Variants in UNC13A observed in about 807,000 individuals in gnomAD.
UNC13A encodes protein unc-13 homolog A.
In UNC13A, 61 loss-of-function variants were observed where a neutral mutation model predicts 219.7. The ratio of observed to expected loss-of-function variants is 0.28; its 90% CI spans 0.23 to 0.34. The LOEUF (loss-of-function observed/expected upper bound fraction) is 0.34, where lower values mean the gene tolerates loss of function less well. Among genes scored for constraint, UNC13A ranks in the 10% least tolerant of loss-of-function variants. The pLI is 1.00. For synonymous variants in UNC13A, 920 were observed against 884.6 expected (o/e 1.04, Z -0.71); for missense variants, 1,476 against 2,270.3 (o/e 0.65, Z 7.11).
At chr19:17,630,441 G>T (rs1224100250) in intron 29 of UNC13A, among the ~76,000 whole-genome samples, 153 bp from the exon 30 acceptor site, 2 of 152,194 alleles carry the variant, frequency 1.3e-5, no homozygotes. Flanking sequence ...CAACTCTAGA[G>T]GTGGACGCAG....
At chr19:17,633,367 C>T (rs1362981411) in intron 26 of UNC13A, among the ~76,000 whole-genome samples, 174 bp from the exon 27 acceptor site, 1 of 152,118 alleles carries the variant, frequency 6.6e-6, no homozygotes, top group Non-Finnish European at 1.5e-5. Flanking sequence ...TCCCTTTGAG[C>T]CTCCACCCAC....
chr19:17,610,178 G>T, intron 42 of UNC13A, 79 bp from the exon 43 acceptor site: 1 of 1,590,832 alleles, frequency 6.3e-7, no homozygotes. Flanking sequence ...CTCAAAACCT[G>T]CCCAAGGCTG....
chr19:17,630,599 C>G, intron 29 of UNC13A, 55 bp downstream of exon 29: 1 of 1,591,110 alleles, frequency 6.3e-7, no homozygotes, highest in Non-Finnish European at 8.6e-7. Flanking sequence ...AAATTTCCAC[C>G]TAAATTGACC....
intron 1 of UNC13A, among the ~76,000 whole-genome samples, chr19:17,677,927 C>T (rs1293473041): frequency 3.3e-5 from 5 of 152,144 alleles, no homozygotes; most frequent in Non-Finnish European, 7.3e-5. Flanking sequence ...CAAATGGTAG[C>T]ATTCGACACC....
At chr19:17,679,922 C>T (rs1358751024) in intron 1 of UNC13A, among the ~76,000 whole-genome samples, 1 of 152,068 alleles carries the variant, frequency 6.6e-6, no homozygotes, top group Non-Finnish European at 1.5e-5. Context: ...AGTGGGGGAC[C>T]GGCTGGAGGG....
chr19:17,687,219 T>C (rs974269818), intron 1 of UNC13A, among the ~76,000 whole-genome samples: 1 of 151,858 alleles, frequency 6.6e-6, no homozygotes, highest in African/African-American at 2.4e-5. Flanking sequence ...CTCCCACGTC[T>C]CCCTCCCTCC....
At position 17,620,742 on chromosome 19, in the gene UNC13A, G is replaced by A; in HGVS notation, c.4243-20C>T. On this transcript the variant is annotated intron_variant, in intron 37 of 43. Coordinates refer to ENST00000519716, the MANE Select transcript of UNC13A (RefSeq NM_001080421.3). ...CCTGCCCTGTGGAGAGAATCAGGTG[G>A]AGGTCAGAGTTCTGGTGACTGTTGG... The A allele has an allele frequency of 6.2e-7, 1 of 1,612,532 alleles. No individual in the cohort carries two copies.
chr19:17,686,914 C>T (rs1182990509), intron 1 of UNC13A, among the ~76,000 whole-genome samples: 1 of 152,082 alleles, frequency 6.6e-6, no homozygotes, highest in Non-Finnish European at 1.5e-5. Context: ...AGCACACGCA[C>T]GCTTCCTGTC....
chr19:17,631,222 TCTTC>T (rs1205753437), intron 28 of UNC13A, among the ~76,000 whole-genome samples: 4 of 32,384 alleles, frequency 1.2e-4, no homozygotes, highest in Admixed American at 6.7e-4. Flanking sequence ...CTTCCTTCCT[TCTTC>T]CTTCCTTCCT....
In UNC13A at chr19:17,663,525, T is replaced by C; in HGVS notation, c.559+7A>G. On this transcript the variant is annotated splice_region_variant and intron_variant, in intron 8 of 43. Coordinates refer to ENST00000519716, the MANE Select transcript of UNC13A (RefSeq NM_001080421.3). ...CTCCCAGAACATCAATCAGGCTGAG[T>C]ACTTACTGTGCTGCTCACCCCAGCC... The C allele has an allele frequency of 6.2e-7, 1 of 1,612,726 alleles. No individual in the cohort carries two copies. Among genetic ancestry groups the C allele is most frequent in the Non-Finnish European group, 8.5e-7 (1 of 1,179,472 alleles).
intron 38 of UNC13A, 91 bp downstream of exon 38, chr19:17,620,601 AC>A: frequency 8.8e-7 from 1 of 1,137,718 alleles, no homozygotes; most frequent in South Asian, 1.3e-5. Context: ...ACGCCCTCGG[AC>A]GGCACGAACC....
intron 7 of UNC13A, among the ~76,000 whole-genome samples, chr19:17,664,327 T>C (rs181044303): frequency 6.6e-6 from 1 of 152,274 alleles, no homozygotes; most frequent in African/African-American, 2.4e-5. Context: ...GGTGAAACTA[T>C]GGGGCTCAGA....
In UNC13A at chr19:17,647,247, C is replaced by T. The variant is rs1175553975; in HGVS notation, c.2044+18G>A. 3.2e-6 allele frequency: 5 copies of T among 1,548,512 alleles called. No homozygotes were observed. The highest frequency in any genetic ancestry group is 1.2e-5 in the South Asian group (1 of 84,236). ...GGGTGGAGAAGGAGGGGCCCTATGG[C>T]GGCCCACGCCCCCTCACCGGTGATG... On this transcript the variant is annotated intron_variant, in intron 17 of 43. Transcript: ENST00000519716.
Position 17,618,036 on chromosome 19 carries a change from G to A in UNC13A, c.4411-187C>T, listed in dbSNP as rs376986495. 1.0e-3 allele frequency among the ~76,000 whole-genome samples: 156 copies of A among 152,246 alleles called. 1 individual carries two copies. The highest frequency in any genetic ancestry group is 3.6e-3 in the African/African-American group (151 of 41,522). ...CCTCTCACATGCCGTCTTCCAGGAA[G>A]GCCTGGCTTCTCCCACCTTGGGCTC... is the stretch of plus-strand genomic sequence containing the variant. On this transcript the variant is annotated intron_variant, in intron 40 of 43. Transcript: ENST00000519716.
chr19:17,656,114 ACCTCCT>A lies in UNC13A; in HGVS notation c.1046_1051del (p.Glu349_Glu350del), dbSNP rs747948886. 1.9e-5 allele frequency: 28 copies of A among 1,480,108 alleles called. No individual in the cohort carries two copies. Among genetic ancestry groups the A allele is most frequent in the South Asian group, 1.6e-4 (13 of 79,884 alleles). The allele number at this position is 1,480,108 out of a possible 1,614,324, so 91.7% of individuals were successfully genotyped here. On this transcript the variant is annotated inframe_deletion, in exon 10 of 44. Transcript: ENST00000519716. ...GGCATAGCTGCCCAAATCGTCAGGCACCTCCTCCTCCTCCTCCTCCAGCTCCTCCTC... is the reference window on the plus strand; with the variant it reads ...GGCATAGCTGCCCAAATCGTCAGGCACCTCCTCCTCCTCCAGCTCCTCCTC...
At chr19:17,667,258 A>AAG (rs921719278) in intron 6 of UNC13A, among the ~76,000 whole-genome samples, 2 of 150,296 alleles carry the variant, frequency 1.3e-5, no homozygotes, top group Admixed American at 1.3e-4. Context: ...TCAAAAAAGA[A>AAG]AAAAAAAAAA....
chr19:17,606,084 G>C lies in UNC13A; in HGVS notation c.5082C>G (p.Ala1694=), dbSNP rs764297759. The change falls in exon 44 of 44, where the codon GCC becomes GCG. Residue 1694 remains alanine, a synonymous_variant. Transcript: ENST00000519716. ...GCGCAGGCGCGGCACCGCCCTCCTC[G>C]GCGGAGCGCGTGTCCGACTTGAGCT... The part of the protein sequence containing the change: ...FVKLKSDTRS[A]EEGGAAPAP 8.8e-6 allele frequency: 14 copies of C among 1,587,186 alleles called. No homozygotes were observed. The South Asian group carries it at 1.5e-4, about 17-fold the overall frequency.
Position 17,688,271 on chromosome 19 carries a change from C to A in UNC13A, c.-72G>T. 7.2e-7 allele frequency: 1 copy of A among 1,382,222 alleles called. No individual in the cohort carries two copies. 85.6% of individuals were successfully genotyped at this position (1,382,222 alleles called of 1,614,324 possible). ...CGGGTCGGGCTCAGCGGCCGCTGGG[C>A]TGGGGCATCTCCCGGCTGCAGCCCG... On this transcript the variant is annotated 5_prime_UTR_variant, in exon 1 of 44. Coordinates refer to ENST00000519716, the MANE Select transcript of UNC13A (RefSeq NM_001080421.3).
Position 17,630,172 on chromosome 19 carries a change from C to T in UNC13A, c.3642G>A (p.Val1214=). ...KKLECPDPQI[V]GHYMRRFAKT... Reference sequence around the variant, plus strand: ...TGGCAAAGCGCCTCATGTAGTGCCCCACGATCTGAGGGTCGGGACACTCGA... The same window carrying T: ...TGGCAAAGCGCCTCATGTAGTGCCCTACGATCTGAGGGTCGGGACACTCGA... Residue 1214 remains valine (V), a synonymous_variant, in exon 30 of 44, where the codon GTG becomes GTA. Transcript: ENST00000519716. The T allele has an allele frequency of 6.4e-7, 1 of 1,552,106 alleles. No homozygotes were observed. Among genetic ancestry groups the T allele is most frequent in the Non-Finnish European group, 8.7e-7 (1 of 1,147,118 alleles).
Sources: gnomAD v4.1 joint callset for allele counts (sites outside exome capture counted in the v4.1 genomes callset) on GRCh38, gnomAD v4.1.1 for gene constraint, MANE v1.5 for transcripts, NCBI Gene and HGNC (gene_info 2026-07-23, HGNC 2026-07-21) for gene names.